The following CEBPZ variants were observed in gnomAD, a reference collection of about 807,000 sequenced individuals.
CEBPZ encodes the protein CCAAT/enhancer-binding protein zeta.
A neutral mutation model predicts 104.5 loss-of-function variants in CEBPZ; 78 were observed. That is an observed-to-expected ratio of 0.75 (90% CI 0.62 to 0.90). The LOEUF (loss-of-function observed/expected upper bound fraction) is 0.90, where lower values mean the gene tolerates loss of function less well. Among genes scored for constraint, CEBPZ ranks in the 40% least tolerant of loss-of-function variants. The probability of loss-of-function intolerance (pLI) is 0.00; values close to 1 mark genes in which losing one functional copy is unlikely to be tolerated. For synonymous variants in CEBPZ, 470 were observed against 427.0 expected (o/e 1.10, Z -1.24); for missense variants, 1,439 against 1,233.5 (o/e 1.17, Z -2.50).
At chr2:37,219,288 A>G (rs902641409) in intron 5 of CEBPZ, among the ~76,000 whole-genome samples, 4 of 152,190 alleles carry the variant, frequency 2.6e-5, no homozygotes, top group African/African-American at 9.7e-5. Context: ...CAGCACAGGT[A>G]TGTTACGCAT....
At position 37,220,485 on chromosome 2, in the gene CEBPZ, A is replaced by C. The variant is rs780215038; in HGVS notation, c.2066-12T>G. ...TAACTGTTTCCCACCTAGGAATAAC[A>C]AAAAAAATACGATTTCTCAAATGCT... On this transcript the variant is annotated splice_polypyrimidine_tract_variant and intron_variant, in intron 4 of 15. Coordinates refer to ENST00000234170, the MANE Select transcript of CEBPZ (RefSeq NM_005760.3). 10 of 1,325,284 alleles carry C rather than the reference A, an allele frequency of 7.5e-6. No individual in the cohort carries two copies. The highest frequency in any genetic ancestry group is 3.5e-5 in the African/African-American group (2 of 56,692). 82.1% of individuals were successfully genotyped at this position (1,325,284 alleles called of 1,614,324 possible).
intron 12 of CEBPZ, chr2:37,211,339 C>A: frequency 3.2e-6 from 1 of 309,304 alleles, no homozygotes; most frequent in Admixed American, 4.8e-5. Context: ...ATATAAAACC[C>A]CTTAAAACAA....
Position 37,227,911 on chromosome 2 carries a change from G to C in CEBPZ, c.1282C>G (p.Leu428Val). 6.2e-7 allele frequency: 1 copy of C among 1,614,182 alleles called. No individual in the cohort carries two copies. The highest frequency in any genetic ancestry group is 8.5e-7 in the Non-Finnish European group (1 of 1,180,028). ...GVVSGEVERL[L>V]FRSNISSKAQ... ...TTGGAGCTGATATTTGAGCGGAAGA[G>C]TAGCCTTTCTACTTCACCAGACACA... The change falls in exon 2 of 16, where the codon CTC (leucine) becomes GTC (valine). Residue 428 changes from leucine to valine, a missense_variant. Leu to Val is a conservative substitution (Grantham distance 32). Coordinates refer to ENST00000234170, the MANE Select transcript of CEBPZ (RefSeq NM_005760.3).
Position 37,228,295 on chromosome 2 carries a change from C to A in CEBPZ, c.898G>T (p.Asp300Tyr). The A allele has an allele frequency of 6.2e-7, 1 of 1,614,224 alleles. No homozygotes were observed. Among genetic ancestry groups the A allele is most frequent in the Non-Finnish European group, 8.5e-7 (1 of 1,180,040 alleles). Residue 300 changes from aspartate to tyrosine, a missense_variant, in exon 2 of 16, where the codon GAC becomes TAC. Transcript: ENST00000234170. Reference protein sequence around the residue: ...KELLITDLLPDNRKLRIFSQR... With the variant: ...KELLITDLLPYNRKLRIFSQR... ...CTGAAAATCCTCAGCTTCCGATTGT[C>A]TGGCAAAAGGTCTGTGATAAGCAAC... is the stretch of plus-strand genomic sequence containing the variant.
intron 5 of CEBPZ, among the ~76,000 whole-genome samples, chr2:37,219,348 T>C (rs931125204): frequency 6.6e-6 from 1 of 151,872 alleles, no homozygotes; most frequent in African/African-American, 2.4e-5. Flanking sequence ...TACTTTAAGG[T>C]CAAGACACTA....
In CEBPZ at chr2:37,223,135, A is replaced by G. The variant is rs765144004; in HGVS notation, c.1881+35T>C. The G allele has an allele frequency of 1.1e-5, 16 of 1,522,006 alleles. No homozygotes were observed. The East Asian group carries it at 2.7e-4, about 26-fold the overall frequency. 94.3% of individuals were successfully genotyped at this position (1,522,006 alleles called of 1,614,324 possible). On this transcript the variant is annotated intron_variant, in intron 3 of 15. Coordinates refer to ENST00000234170, the MANE Select transcript of CEBPZ (RefSeq NM_005760.3). ...AAAACAAAAACCAATATATTTCAGC[A>G]CCCACTCAATTTAAAAAGCAGTTGT...
chr2:37,223,231 T>G lies in CEBPZ; in HGVS notation c.1820A>C (p.Tyr607Ser), dbSNP rs1664809010. ...QMPPFICGAL[Y>S]LVSEILKAKP... Reference sequence around the variant, plus strand: ...TGCTTTAAGGATCTCAGACACAAGATATAAAGCTCCACATATAAATGGTGG... The same window carrying G: ...TGCTTTAAGGATCTCAGACACAAGAGATAAAGCTCCACATATAAATGGTGG... Residue 607 changes from tyrosine (Y) to serine (S), a missense_variant, in exon 3 of 16, where the codon TAT (tyrosine) becomes TCT (serine). Coordinates refer to ENST00000234170, the MANE Select transcript of CEBPZ (RefSeq NM_005760.3). 6.2e-7 allele frequency: 1 copy of G among 1,614,064 alleles called. No homozygotes were observed. Among genetic ancestry groups the G allele is most frequent in the African/African-American group, 1.3e-5 (1 of 74,924 alleles).
chr2:37,202,180 A>G, intron 15 of CEBPZ: 1 of 257,508 alleles, frequency 3.9e-6, no homozygotes, highest in Non-Finnish European at 7.2e-6. Flanking sequence ...AACCAGTAAC[A>G]ATCAATATGT....
chr2:37,206,304 C>T (rs1485904203), intron 13 of CEBPZ, among the ~76,000 whole-genome samples: 2 of 152,224 alleles, frequency 1.3e-5, no homozygotes, highest in African/African-American at 4.8e-5. Context: ...GCTGAGAATT[C>T]ACCACTACCA....
chr2:37,218,241 T>C lies in CEBPZ; in HGVS notation c.2155-1204A>G, dbSNP rs548965280. Among the ~76,000 whole-genome samples the C allele has an allele frequency of 4.6e-5, 7 of 150,660 alleles. No homozygotes were observed. The East Asian group carries it at 1.2e-3, about 25-fold the overall frequency. ...GAGATCGCACCACCGCACTCCAGCC[T>C]GGGCGACAGAGCAAGACTCTGCCTC... On this transcript the variant is annotated intron_variant, in intron 5 of 15. Coordinates refer to ENST00000234170, the MANE Select transcript of CEBPZ (RefSeq NM_005760.3).
Position 37,223,418 on chromosome 2 carries a change from AG to A in CEBPZ, c.1650-18del. The A allele has an allele frequency of 6.2e-7, 1 of 1,603,440 alleles. No individual in the cohort carries two copies. The highest frequency in any genetic ancestry group is 8.5e-7 in the Non-Finnish European group (1 of 1,170,790). ...AACATCTTCCTGCAAAACAAAACCA[AG>A]GTCAAATATTTATGTATAAAACCAT... On this transcript the variant is annotated intron_variant, in intron 2 of 15. Transcript: ENST00000234170.
intron 8 of CEBPZ, 106 bp from the exon 9 acceptor site, chr2:37,215,058 G>T: frequency 1.3e-6 from 1 of 753,630 alleles, no homozygotes; most frequent in Non-Finnish European, 2.2e-6. Context: ...AAAAATCTCA[G>T]AATTGTGTGG....
chr2:37,202,980 A>C lies in CEBPZ; in HGVS notation c.2913T>G (p.Asn971Lys). 1 of 1,555,488 alleles carries C rather than the reference A, an allele frequency of 6.4e-7. No homozygotes were observed. The highest frequency in any genetic ancestry group is 8.7e-7 in the Non-Finnish European group (1 of 1,154,390). Residue 971 changes from asparagine to lysine, a missense_variant, in exon 14 of 16, where the codon AAT (asparagine) becomes AAG (lysine). Coordinates refer to ENST00000234170, the MANE Select transcript of CEBPZ (RefSeq NM_005760.3). ...QGPRKKKRNL[N>K]DSSLFVSAEE... ...CAGCAGATACAAATAGGCTGGAATC[A>C]TTTAAGTTTCTTTTCTTTTTTCTTG...
chr2:37,204,473 T>A (rs931712933), intron 13 of CEBPZ: 2 of 142,966 alleles, frequency 1.4e-5, no homozygotes, highest in East Asian at 4.1e-4. Flanking sequence ...AGATGGGGTT[T>A]CATCATGTTG....
intron 13 of CEBPZ, among the ~76,000 whole-genome samples, chr2:37,206,556 C>G (rs1677546470): frequency 6.6e-6 from 1 of 152,104 alleles, no homozygotes; most frequent in African/African-American, 2.4e-5. Context: ...TAGGGTTTTG[C>G]CATGTTGGCC....
At chr2:37,210,105 A>T in intron 13 of CEBPZ, 1 of 152,176 alleles carries the variant, frequency 6.6e-6, no homozygotes, top group Admixed American at 6.6e-5. Context: ...GAATGGCCGT[A>T]ATTTAAAAAT....
At position 37,216,369 on chromosome 2, in the gene CEBPZ, A is replaced by G. The variant is rs1244757631; in HGVS notation, c.2258T>C (p.Met753Thr). Residue 753 changes from methionine to threonine, a missense_variant, in exon 7 of 16, where the codon ATG becomes ACG. Physicochemically the swap from Met to Thr is moderately conservative, Grantham distance 81. Transcript: ENST00000234170. The stretch of plus-strand genomic sequence containing the variant: ...GTATACAAATCGATCCAAAAATCTC[A>G]TTAGAGTGAAATCCTGCAGTGGGTC... ...SGDPLQDFTL[M>T]RFLDRFVYRN... is the part of the protein sequence containing the mutation. 4.3e-6 allele frequency: 7 copies of G among 1,611,038 alleles called. No individual in the cohort carries two copies. Among genetic ancestry groups the G allele is most frequent in the Non-Finnish European group, 5.9e-6 (7 of 1,177,586 alleles).
Position 37,214,922 on chromosome 2 carries a change from T to C in CEBPZ, c.2411A>G (p.Glu804Gly). ...CACTTCATCCACTGGTATTTGGCTT[T>C]CTTCTTTTGCAAGGAACTCCTTACT... ...VNSKEFLAKE[E>G]SQIPVDEVFF... Residue 804 changes from glutamate to glycine, a missense_variant, in exon 9 of 16, where the codon GAA becomes GGA. By Grantham distance (98) the Glu-to-Gly change is moderately conservative. Coordinates refer to ENST00000234170, the MANE Select transcript of CEBPZ (RefSeq NM_005760.3). The C allele has an allele frequency of 6.2e-7, 1 of 1,610,808 alleles. No individual in the cohort carries two copies. Among genetic ancestry groups the C allele is most frequent in the Non-Finnish European group, 8.5e-7 (1 of 1,177,218 alleles).
chr2:37,221,332 A>C (rs988018567), intron 4 of CEBPZ, among the ~76,000 whole-genome samples: 2 of 152,058 alleles, frequency 1.3e-5, no homozygotes, highest in African/African-American at 4.8e-5. Flanking sequence ...AAAAAACAAA[A>C]ACCAAACCAA....
Sources: gnomAD v4.1 joint callset for allele counts (sites outside exome capture counted in the v4.1 genomes callset) on GRCh38, gnomAD v4.1.1 for gene constraint, MANE v1.5 for transcripts, NCBI Gene and HGNC (gene_info 2026-07-23, HGNC 2026-07-21) for gene names.